MIR2052HG: variants seen among roughly 807,000 people sequenced by gnomAD.
The protein encoded by MIR2052HG is MIR2052 host gene.
chr8:74,741,327 A>T (rs761750137), intron 4 of MIR2052HG, among the ~76,000 whole-genome samples: 1 of 152,184 alleles, frequency 6.6e-6, no homozygotes, highest in Non-Finnish European at 1.5e-5. Flanking sequence ...CCTGTACAGA[A>T]CTTGCCTTGC....
At chr8:74,642,494 A>G (rs984105663) in intron 2 of MIR2052HG, among the ~76,000 whole-genome samples, 1 of 152,204 alleles carries the variant, frequency 6.6e-6, no homozygotes, top group African/African-American at 2.4e-5. Flanking sequence ...TGATAAGGAT[A>G]GTCTCAGCAG....
In MIR2052HG at chr8:74,733,303, T is replaced by A. The variant is rs572941061; in HGVS notation, n.372-19138T>A. Among the ~76,000 whole-genome samples the A allele has an allele frequency of 4.1e-4, 62 of 152,092 alleles. 1 individual carries two copies. The highest frequency in any genetic ancestry group is 1.4e-3 in the African/African-American group (57 of 41,530). On this transcript the variant is annotated intron_variant and non_coding_transcript_variant, in intron 4 of 6. Coordinates refer to ENST00000523442, the Ensembl canonical transcript of MIR2052HG. The stretch of plus-strand genomic sequence containing the variant: ...GTGTCCATGTGTTCTCATTATTCAA[T>A]TCCCACCTATGAGTGAGTATATGCA...
intron 5 of MIR2052HG, among the ~76,000 whole-genome samples, chr8:74,755,268 G>T (rs1193432444): frequency 6.6e-6 from 1 of 152,192 alleles, no homozygotes; most frequent in Non-Finnish European, 1.5e-5. Context: ...TTCATCTGCT[G>T]CTGAAACAGC....
intron 2 of MIR2052HG, among the ~76,000 whole-genome samples, chr8:74,658,189 A>G (rs1184214715): frequency 1.3e-5 from 2 of 152,068 alleles, no homozygotes; most frequent in Non-Finnish European, 2.9e-5. Flanking sequence ...TTAAGCTTGC[A>G]TTTAGAATTT....
intron 2 of MIR2052HG, among the ~76,000 whole-genome samples, chr8:74,617,408 C>T (rs776390487): frequency 1.9e-4 from 29 of 151,820 alleles, no homozygotes; most frequent in African/African-American, 2.9e-4. Context: ...CATGCTGCTA[C>T]AAAAGACATT....
At chr8:74,729,348 A>G (rs1176945649) in intron 4 of MIR2052HG, among the ~76,000 whole-genome samples, 2 of 152,146 alleles carry the variant, frequency 1.3e-5, no homozygotes, top group African/African-American at 4.8e-5. Flanking sequence ...ATCTCATCAA[A>G]TTTAAGATGT....
At position 74,694,994 on chromosome 8, in the gene MIR2052HG, C is replaced by CA. The variant is rs574719705; in HGVS notation, n.217-7380dup. On this transcript the variant is annotated intron_variant and non_coding_transcript_variant, in intron 2 of 6. Coordinates refer to ENST00000523442, the Ensembl canonical transcript of MIR2052HG. ...CAAAGAACACCTGGGAAGTTCATTG[C>CA]AAAAAGTTAATAACCTATGCACGTA... Among the ~76,000 whole-genome samples, 640 of 152,114 alleles carry CA rather than the reference C, an allele frequency of 4.2e-3. 2 individuals are homozygous for CA. Among genetic ancestry groups the CA allele is most frequent in the African/African-American group, 0.014 (597 of 41,496 alleles).
Position 74,748,716 on chromosome 8 carries a change from G to A in MIR2052HG, n.372-3725G>A, listed in dbSNP as rs563227720. 1.5e-3 allele frequency among the ~76,000 whole-genome samples: 233 copies of A among 152,238 alleles called. 2 individuals carry two copies. Among genetic ancestry groups the A allele is most frequent in the African/African-American group, 5.4e-3 (225 of 41,544 alleles). On this transcript the variant is annotated intron_variant and non_coding_transcript_variant, in intron 4 of 6. Transcript: ENST00000523442. ...GAGAGGGTTTCCCAGGCTTTTTCCT[G>A]TCTCTATTGTTTGGCTACTCCCAAT... is the stretch of plus-strand genomic sequence containing the variant.
chr8:74,693,851 C>A (rs1488516137), intron 2 of MIR2052HG, among the ~76,000 whole-genome samples: 7 of 152,038 alleles, frequency 4.6e-5, no homozygotes, highest in Non-Finnish European at 8.8e-5. Context: ...TCTAAACCTG[C>A]CCCCACCTTA....
At chr8:74,656,826 A>C (rs1376954231) in intron 2 of MIR2052HG, among the ~76,000 whole-genome samples, 1 of 152,212 alleles carries the variant, frequency 6.6e-6, no homozygotes. Flanking sequence ...TACCCAAGTC[A>C]AGGAAACTAT....
At chr8:74,680,382 C>T (rs1809109729) in intron 2 of MIR2052HG, among the ~76,000 whole-genome samples, 3 of 151,554 alleles carry the variant, frequency 2.0e-5, no homozygotes, top group South Asian at 2.1e-4. Flanking sequence ...AACAAACAAC[C>T]CCATCAAAAA....
intron 1 of MIR2052HG, among the ~76,000 whole-genome samples, chr8:74,612,292 G>A (rs144219107): frequency 1.3e-5 from 2 of 152,270 alleles, no homozygotes; most frequent in Non-Finnish European, 2.9e-5. Flanking sequence ...TCCATTCAGA[G>A]TTGGTCCACT....
At chr8:74,606,360 G>A (rs937996013) in intron 1 of MIR2052HG, among the ~76,000 whole-genome samples, 3 of 152,120 alleles carry the variant, frequency 2.0e-5, no homozygotes, top group African/African-American at 4.8e-5. Context: ...GTCAATTCAG[G>A]TGGAAACAAG....
At chr8:74,680,596 C>T (rs922751728) in intron 2 of MIR2052HG, among the ~76,000 whole-genome samples, 1 of 152,144 alleles carries the variant, frequency 6.6e-6, no homozygotes, top group African/African-American at 2.4e-5. Context: ...GAAACAGGAA[C>T]ACTTTTACAC....
chr8:74,613,612 A>T (rs2128731647), intron 2 of MIR2052HG, among the ~76,000 whole-genome samples: 1 of 152,206 alleles, frequency 6.6e-6, no homozygotes, highest in East Asian at 1.9e-4. Context: ...CAGCCTCCCA[A>T]GTAGCTGGGA....
chr8:74,751,906 A>C (rs1365747361), intron 4 of MIR2052HG, among the ~76,000 whole-genome samples: 11 of 152,198 alleles, frequency 7.2e-5, no homozygotes, highest in Admixed American at 7.2e-4. Context: ...TAATGATTAA[A>C]TGTTCTGTAA....
chr8:74,710,836 A>G (rs1443115287), intron 4 of MIR2052HG, among the ~76,000 whole-genome samples: 2 of 152,194 alleles, frequency 1.3e-5, no homozygotes, highest in Non-Finnish European at 2.9e-5. Flanking sequence ...AGGGAACTGT[A>G]TGAGTCACAA....
intron 2 of MIR2052HG, among the ~76,000 whole-genome samples, chr8:74,688,166 T>C (rs1809203002): frequency 1.3e-5 from 2 of 152,214 alleles, no homozygotes; most frequent in South Asian, 2.1e-4. Flanking sequence ...CAGAATGAGA[T>C]AGCATTTTAA....
chr8:74,645,800 C>G (rs1305402328), intron 2 of MIR2052HG, among the ~76,000 whole-genome samples: 1 of 152,178 alleles, frequency 6.6e-6, no homozygotes, highest in Non-Finnish European at 1.5e-5. Context: ...TCAAATTTAT[C>G]TGTTACCAAA....
Sources: allele counts gnomAD v4.1 joint callset (sites outside exome capture counted in the v4.1 genomes callset), GRCh38; gene constraint gnomAD v4.1.1; transcripts MANE v1.5; gene names NCBI Gene and HGNC (gene_info 2026-07-23, HGNC 2026-07-21).